Variants in CREBBP observed in about 807,000 individuals in gnomAD.
The protein encoded by CREBBP is CREB binding lysine acetyltransferase, also known as CREB-binding protein.
A neutral mutation model predicts 265.0 loss-of-function variants in CREBBP; 19 were observed. The ratio of observed to expected loss-of-function variants is 0.07; its 90% CI spans 0.05 to 0.11. The LOEUF is 0.11. CREBBP is among the 10% of genes least tolerant of loss of function. The pLI is 1.00. For missense variants in CREBBP, 2,525 were observed against 3,219.0 expected, an observed-to-expected ratio of 0.78 and a Z score of 5.22; for synonymous variants, 1,457 against 1,223.7, an observed-to-expected ratio of 1.19 and a Z score of -3.98.
intron 3 of CREBBP, among the ~76,000 whole-genome samples, chr16:3,794,551 C>T (rs1275671869): frequency 6.6e-6 from 1 of 152,118 alleles, no homozygotes; most frequent in Non-Finnish European, 1.5e-5. Flanking sequence ...CCACCCAGTG[C>T]AATGGGAAAT....
At chr16:3,792,200 GTAACCA>G (rs1275722539) in intron 4 of CREBBP, 106 bp from the exon 5 acceptor site, 1 of 993,674 alleles carries the variant, frequency 1.0e-6, no homozygotes, top group Non-Finnish European at 1.6e-6. Flanking sequence ...GGTAACAAGT[GTAACCA>G]TAACACAGTA....
chr16:3,725,225 G>T lies in CREBBP; in HGVS notation c.*2493C>A, dbSNP rs1217479294. On this transcript the variant is annotated 3_prime_UTR_variant, in exon 31 of 31. Coordinates refer to ENST00000262367, the MANE Select transcript of CREBBP (RefSeq NM_004380.3). ...AGAAATTTCCTTACGACAAACTTAG[G>T]GTTAGCATCCACAGACCATGCTCTC... 3.9e-5 allele frequency: 9 copies of T among 233,294 alleles called. No homozygotes were observed. The highest frequency in any genetic ancestry group is 6.8e-5 in the Non-Finnish European group (8 of 117,982). The allele number at this position is 233,294 out of a possible 1,614,324, so 14.5% of individuals were successfully genotyped here. A position where few individuals can be genotyped will look rare whatever the true frequency, so the allele number is the denominator to read the frequency against.
At chr16:3,842,197 G>A (rs933704975) in intron 2 of CREBBP, among the ~76,000 whole-genome samples, 2 of 152,210 alleles carry the variant, frequency 1.3e-5, no homozygotes, top group Admixed American at 6.5e-5. Context: ...TTAAAAGAAA[G>A]TACTTAAAAG....
chr16:3,808,111 A>G (rs1300193392), intron 3 of CREBBP, among the ~76,000 whole-genome samples: 1 of 140,088 alleles, frequency 7.1e-6, no homozygotes, highest in Non-Finnish European at 1.5e-5. Context: ...AGGGAGAGAG[A>G]AAGAGAGGGG....
At chr16:3,797,530 A>G (rs544224726) in intron 3 of CREBBP, among the ~76,000 whole-genome samples, 1 of 152,318 alleles carries the variant, frequency 6.6e-6, no homozygotes, top group South Asian at 2.1e-4. Flanking sequence ...GTAAGAGATT[A>G]ACATTAACTA....
chr16:3,786,512 A>T lies in CREBBP; in HGVS notation c.1331-3586T>A, dbSNP rs79383812. ...CCATTTGGAAATTCAGTGAAAACGG[A>T]CATGAATCAAATCTCCAAACTTTGT... is the stretch of plus-strand genomic sequence containing the variant. On this transcript the variant is annotated intron_variant, in intron 5 of 30. Transcript: ENST00000262367. Among the ~76,000 whole-genome samples the T allele has an allele frequency of 8.0e-3, 1,215 of 152,330 alleles. 15 individuals carry two copies. Among genetic ancestry groups the T allele is most frequent in the African/African-American group, 0.028 (1,149 of 41,574 alleles).
intron 8 of CREBBP, among the ~76,000 whole-genome samples, chr16:3,780,134 C>T (rs540873616): frequency 5.9e-4 from 88 of 149,614 alleles, no homozygotes; most frequent in African/African-American, 2.0e-3. Flanking sequence ...CCCAGGTACT[C>T]GGGAGGCTGA....
Position 3,728,922 on chromosome 16 carries a change from A to G in CREBBP, c.6125T>C (p.Met2042Thr). The G allele has an allele frequency of 6.2e-7, 1 of 1,605,686 alleles. No homozygotes were observed. The highest frequency in any genetic ancestry group is 8.5e-7 in the Non-Finnish European group (1 of 1,179,096). Reference protein sequence around the residue: ...MPGLPRPVISMQAQAAVAGPR... With the variant: ...MPGLPRPVISTQAQAAVAGPR... ...CCCAGCCACGGCCGCCTGGGCCTGC[A>G]TGGATATCACAGGCCTGGGCAAGCC... Residue 2042 changes from methionine (M) to threonine (T), a missense_variant, in exon 31 of 31, where the codon ATG (methionine) becomes ACG (threonine). Met to Thr is a moderately conservative substitution (Grantham distance 81). This residue lies in a region of CREBBP where 275 missense variants were observed against 276.5 expected (regional missense o/e 0.99). Coordinates refer to ENST00000262367, the MANE Select transcript of CREBBP (RefSeq NM_004380.3). This position sits in a 1 kb window ranked among gnomAD's most constrained non-coding sequence, Gnocchi z 8.7.
chr16:3,813,801 GACAA>G (rs746206543), intron 2 of CREBBP, among the ~76,000 whole-genome samples: 4 of 152,118 alleles, frequency 2.6e-5, no homozygotes, highest in Non-Finnish European at 4.4e-5. Flanking sequence ...CAACCAATTT[GACAA>G]ACAAACAAAC....
At chr16:3,751,568 G>GT (rs1195835956) in intron 20 of CREBBP, among the ~76,000 whole-genome samples, 158 bp downstream of exon 20, 1 of 152,150 alleles carries the variant, frequency 6.6e-6, no homozygotes, top group African/African-American at 2.4e-5. Flanking sequence ...CACCACCCAG[G>GT]TGACAGAATG....
intron 2 of CREBBP, among the ~76,000 whole-genome samples, chr16:3,844,985 C>T (rs1185246114): frequency 6.6e-6 from 1 of 152,080 alleles, no homozygotes; most frequent in Admixed American, 6.5e-5. Flanking sequence ...CAGGAAGTCA[C>T]AAAACTGTTA....
Position 3,850,844 on chromosome 16 carries a change from G to C in CREBBP, c.251C>G (p.Pro84Arg), listed in dbSNP as rs1328043737. ...LRGGSGSSIN[P>R]GIGNVSASSP... is the part of the protein sequence containing the mutation. ...GCTGGCGCTCACATTTCCTATTCCT[G>C]GGTTGATACTAGAGCCGCTGCCTCC... Residue 84 changes from proline (P) to arginine (R), a missense_variant, in exon 2 of 31, where the codon CCA becomes CGA. Transcript: ENST00000262367. The C allele has an allele frequency of 6.2e-7, 1 of 1,614,008 alleles. No individual in the cohort carries two copies. The highest frequency in any genetic ancestry group is 8.5e-7 in the Non-Finnish European group (1 of 1,180,048).
intron 25 of CREBBP, among the ~76,000 whole-genome samples, chr16:3,739,265 C>G (rs1311675321): frequency 1.3e-5 from 2 of 152,194 alleles, no homozygotes; most frequent in African/African-American, 2.4e-5. Flanking sequence ...ACATGAAGCC[C>G]TCGTGGCAGA....
intron 1 of CREBBP, among the ~76,000 whole-genome samples, chr16:3,861,774 T>C (rs2055080261): frequency 1.3e-5 from 2 of 151,502 alleles, no homozygotes. Flanking sequence ...TTTTTTTTTT[T>C]ACAATGACTA....
At chr16:3,838,638 T>G (rs1390210795) in intron 2 of CREBBP, among the ~76,000 whole-genome samples, 2 of 152,222 alleles carry the variant, frequency 1.3e-5, no homozygotes, top group Admixed American at 1.3e-4. Context: ...TCTTTAGCGC[T>G]AAGTATGACT....
At chr16:3,783,885 A>G (rs761057356) in intron 5 of CREBBP, among the ~76,000 whole-genome samples, 82 of 152,298 alleles carry the variant, frequency 5.4e-4, no homozygotes, top group Middle Eastern at 3.4e-3. Context: ...ACTTGCATCA[A>G]CTTGGACATT....
At chr16:3,776,890 T>C (rs558919510) in intron 11 of CREBBP, among the ~76,000 whole-genome samples, 151 of 150,958 alleles carry the variant, frequency 1.0e-3, no homozygotes, top group African/African-American at 3.5e-3. Flanking sequence ...TGGTGGCAGG[T>C]GCCTGTAGTC....
intron 2 of CREBBP, among the ~76,000 whole-genome samples, chr16:3,849,025 T>C (rs2054726840): frequency 6.6e-6 from 1 of 152,196 alleles, no homozygotes. Context: ...GGGGAAACTG[T>C]GTTCTACTCT....
chr16:3,838,166 T>C (rs924736960), intron 2 of CREBBP, among the ~76,000 whole-genome samples: 1 of 152,186 alleles, frequency 6.6e-6, no homozygotes, highest in Non-Finnish European at 1.5e-5. Context: ...TATACAGTAT[T>C]TTCTACTATA....
Sources: gnomAD v4.1 joint callset for allele counts (sites outside exome capture counted in the v4.1 genomes callset) on GRCh38, gnomAD v4.1.1 for gene constraint, gnomAD v4.1.1 regional missense constraint, Gnocchi (gnomAD v3.1) non-coding constraint, MANE v1.5 for transcripts, NCBI Gene and HGNC (gene_info 2026-07-23, HGNC 2026-07-21) for gene names.